The following FRMD4A variants were observed in gnomAD, a reference collection of about 807,000 sequenced individuals.
The protein encoded by FRMD4A is FERM domain-containing protein 4A.
FRMD4A carries 29 observed loss-of-function variants against 129.1 expected under a neutral mutation model. That is an observed-to-expected ratio of 0.22 (90% CI 0.17 to 0.31). The LOEUF is 0.31. Ranked by LOEUF, FRMD4A falls within the 10% of genes least tolerant of loss-of-function variation. The pLI is 1.00. For missense variants in FRMD4A, 1,272 were observed against 1,375.8 expected (o/e 0.92, Z 1.19); for synonymous variants, 634 against 571.6 (o/e 1.11, Z -1.56).
intron 2 of FRMD4A, among the ~76,000 whole-genome samples, chr10:14,017,468 G>A (rs2095702723): frequency 6.6e-6 from 1 of 152,182 alleles, no homozygotes; most frequent in South Asian, 2.1e-4. Context: ...CCTCCAAACA[G>A]AGCCAATAGC....
chr10:14,106,011 T>G (rs1307965310), intron 2 of FRMD4A, among the ~76,000 whole-genome samples: 2 of 152,238 alleles, frequency 1.3e-5, no homozygotes, highest in Non-Finnish European at 2.9e-5. Context: ...CCATTAATTC[T>G]TTAGGGATTG....
chr10:13,882,726 T>C, intron 2 of FRMD4A, among the ~76,000 whole-genome samples: 1 of 151,938 alleles, frequency 6.6e-6, no homozygotes, highest in Non-Finnish European at 1.5e-5. Flanking sequence ...CTCCACCCCA[T>C]CTTTCCTACA....
intron 2 of FRMD4A, among the ~76,000 whole-genome samples, chr10:13,948,540 G>A (rs566041256): frequency 8.5e-5 from 13 of 152,220 alleles, no homozygotes; most frequent in Admixed American, 7.9e-4. Context: ...ATGGGGAGGG[G>A]TTAGGAGCAT....
At chr10:14,112,190 C>G (rs1055559187) in intron 2 of FRMD4A, among the ~76,000 whole-genome samples, 10 of 152,086 alleles carry the variant, frequency 6.6e-5, no homozygotes, top group Non-Finnish European at 1.3e-4. Context: ...AGGGGGCCAG[C>G]CATGGAATGT....
rs1196764714 is a variant in FRMD4A, at chr10:14,031,264, T to G, written c.46-172352A>C. 2.3e-5 allele frequency among the ~76,000 whole-genome samples: 3 copies of G among 129,410 alleles called. No homozygotes were observed. In the East Asian group the frequency reaches 8.7e-4, roughly 38 times the overall value. 84.9% of individuals were successfully genotyped at this position (129,410 alleles called of 152,430 possible). ...TTACTGCATCCTCCTGAATCTTTTA[T>G]AGACATTTTTTTTTTTTTTTGAGAT... On this transcript the variant is annotated intron_variant, in intron 2 of 24. Coordinates refer to ENST00000357447, the MANE Select transcript of FRMD4A (RefSeq NM_018027.5).
intron 2 of FRMD4A, among the ~76,000 whole-genome samples, chr10:14,240,151 G>C (rs149607371): frequency 1.3e-5 from 2 of 152,008 alleles, no homozygotes; most frequent in African/African-American, 4.8e-5. Context: ...CATTATTCTC[G>C]CCCATGCTCT....
chr10:13,879,140 A>G (rs1244904167), intron 2 of FRMD4A, among the ~76,000 whole-genome samples: 1 of 152,158 alleles, frequency 6.6e-6, no homozygotes, highest in East Asian at 1.9e-4. Flanking sequence ...CTATTTAAAT[A>G]TGAGATTTAG....
At chr10:14,184,206 A>G (rs1366905273) in intron 2 of FRMD4A, among the ~76,000 whole-genome samples, 1 of 131,724 alleles carries the variant, frequency 7.6e-6, no homozygotes, top group Non-Finnish European at 1.5e-5. Context: ...ATCTCGGCTC[A>G]CTGCAAACTC....
chr10:14,192,563 C>CT (rs1216334118), intron 2 of FRMD4A, among the ~76,000 whole-genome samples: 8 of 152,194 alleles, frequency 5.3e-5, no homozygotes, highest in African/African-American at 1.7e-4. Flanking sequence ...TAAGAACCTT[C>CT]TTTTTTTAAC....
chr10:14,320,860 C>A (rs748372786), intron 2 of FRMD4A, among the ~76,000 whole-genome samples: 1 of 152,180 alleles, frequency 6.6e-6, no homozygotes, highest in African/African-American at 2.4e-5. Context: ...GGGGCCATGG[C>A]CCAGGTTGGA....
At chr10:13,986,689 G>A (rs187630398) in intron 2 of FRMD4A, among the ~76,000 whole-genome samples, 3,407 of 140,000 alleles carry the variant, frequency 0.024, 95 homozygotes, top group East Asian at 0.12. Flanking sequence ...TAAATATAAG[G>A]AAAAAAAAAA....
chr10:14,013,468 G>A (rs1332612810), intron 2 of FRMD4A, among the ~76,000 whole-genome samples: 5 of 152,176 alleles, frequency 3.3e-5, no homozygotes, highest in Non-Finnish European at 7.4e-5. Flanking sequence ...CAAAAGAGGG[G>A]TGTGGGGCTC....
chr10:14,260,504 T>C (rs1844764679), intron 2 of FRMD4A, among the ~76,000 whole-genome samples: 1 of 152,232 alleles, frequency 6.6e-6, no homozygotes, highest in Non-Finnish European at 1.5e-5. Context: ...TAAGTCATCC[T>C]ACATGCTCAT....
chr10:13,767,089 G>A (rs1025215164), intron 6 of FRMD4A, among the ~76,000 whole-genome samples: 3 of 151,916 alleles, frequency 2.0e-5, no homozygotes, highest in African/African-American at 7.3e-5. Flanking sequence ...AAAACGAAAC[G>A]AAACAAAACA....
Position 13,656,656 on chromosome 10 carries a change from T to A in FRMD4A, c.2933A>T (p.Gln978Leu), listed in dbSNP as rs773642767. 1.3e-6 allele frequency: 2 copies of A among 1,493,528 alleles called. No homozygotes were observed. Among genetic ancestry groups the A allele is most frequent in the Non-Finnish European group, 1.8e-6 (2 of 1,115,892 alleles). The allele number at this position is 1,493,528 out of a possible 1,614,324, so 92.5% of individuals were successfully genotyped here. The change falls in exon 22 of 25, where the codon CAG becomes CTG. Residue 978 changes from glutamine to leucine, a missense_variant. Transcript: ENST00000357447. ...VAHSRVTRMP[Q>L]MCKATSAALP... ...CTCACCTGACGTGGCCTTGCACATC[T>A]GGGGCATCCTGGTGACCCTGCTGTG...
At position 14,217,025 on chromosome 10, in the gene FRMD4A, G is replaced by A. The variant is rs1463133338; in HGVS notation, c.45+113033C>T. Among the ~76,000 whole-genome samples the A allele has an allele frequency of 3.9e-5, 6 of 152,130 alleles. No homozygotes were observed. The South Asian group carries it at 6.2e-4, about 16-fold the overall frequency. On this transcript the variant is annotated intron_variant, in intron 2 of 24. Transcript: ENST00000357447. Reference sequence around the variant, plus strand: ...ATGCTGGGAAGTCCTCCTGACAGCCGGTCACCGAACAGGGGGGCATGGCCT... The same window carrying A: ...ATGCTGGGAAGTCCTCCTGACAGCCAGTCACCGAACAGGGGGGCATGGCCT...
intron 2 of FRMD4A, among the ~76,000 whole-genome samples, chr10:13,897,811 G>A (rs1291664758): frequency 6.6e-6 from 1 of 151,808 alleles, no homozygotes; most frequent in African/African-American, 2.4e-5. Context: ...GGTTGCAGCT[G>A]CCTGTGATCC....
intron 2 of FRMD4A, among the ~76,000 whole-genome samples, chr10:14,216,486 C>T (rs1411822398): frequency 6.6e-6 from 1 of 152,146 alleles, no homozygotes; most frequent in Non-Finnish European, 1.5e-5. Flanking sequence ...GCCTGACCAA[C>T]ATGGTGAAAC....
At chr10:13,665,087 G>C (rs1025982602) in intron 18 of FRMD4A, among the ~76,000 whole-genome samples, 10 of 151,994 alleles carry the variant, frequency 6.6e-5, no homozygotes, top group African/African-American at 2.2e-4. Context: ...GGTCAAGCTG[G>C]TCTTGAACTC....
Sources: gnomAD v4.1 joint callset for allele counts (sites outside exome capture counted in the v4.1 genomes callset) on GRCh38, gnomAD v4.1.1 for gene constraint, MANE v1.5 for transcripts, NCBI Gene and HGNC (gene_info 2026-07-23, HGNC 2026-07-21) for gene names.